Variants in ZNF536 observed in about 807,000 individuals in gnomAD.
ZNF536 encodes the protein zinc finger protein 536.
A neutral mutation model predicts 84.5 loss-of-function variants in ZNF536; 13 were observed. The observed-to-expected ratio is 0.15, with a 90% CI of 0.10 to 0.24. The LOEUF (loss-of-function observed/expected upper bound fraction) is 0.24. Ranked by LOEUF, ZNF536 falls within the 10% of genes least tolerant of loss-of-function variation. The pLI, the probability that ZNF536 is intolerant of heterozygous loss-of-function variation, is 1.00. For missense variants in ZNF536, 1,536 were observed against 1,747.5 expected (o/e 0.88, Z 2.16); for synonymous variants, 811 against 742.5 (o/e 1.09, Z -1.50).
At chr19:30,288,413 G>A (rs2045722694) in intron 2 of ZNF536, among the ~76,000 whole-genome samples, 1 of 152,202 alleles carries the variant, frequency 6.6e-6, no homozygotes, top group African/African-American at 2.4e-5. Context: ...GCTCTGGGGA[G>A]TGGGGTTCCC....
intron 1 of ZNF536, among the ~76,000 whole-genome samples, chr19:30,254,629 A>T (rs949105649): frequency 6.7e-6 from 1 of 150,220 alleles, no homozygotes; most frequent in Non-Finnish European, 1.5e-5. Context: ...TGGAATGTGG[A>T]CCCGCCAATG....
intron 1 of ZNF536, among the ~76,000 whole-genome samples, chr19:30,373,438 G>A (rs917980199): frequency 6.6e-6 from 1 of 151,608 alleles, no homozygotes; most frequent in Admixed American, 6.6e-5. Flanking sequence ...ATATTGAAAT[G>A]CCTGGAAAAA....
chr19:30,588,689 G>T (rs2047179460), intron 1 of ZNF536, among the ~76,000 whole-genome samples: 1 of 152,048 alleles, frequency 6.6e-6, no homozygotes, highest in Admixed American at 6.5e-5. Flanking sequence ...AAGGTCTTAG[G>T]CCCAGAACCT....
At chr19:30,589,072 T>A (rs1344156088) in intron 1 of ZNF536, among the ~76,000 whole-genome samples, 1 of 152,052 alleles carries the variant, frequency 6.6e-6, no homozygotes, top group Non-Finnish European at 1.5e-5. Flanking sequence ...GAAGAGGGAT[T>A]TAGAGAAAGT....
At chr19:30,523,256 C>T (rs534702346) in intron 2 of ZNF536, among the ~76,000 whole-genome samples, 7 of 152,256 alleles carry the variant, frequency 4.6e-5, no homozygotes, top group Admixed American at 2.0e-4. Context: ...ACATATGACG[C>T]GTTGCTTTGG....
chr19:30,392,376 T>C (rs2049631734), intron 1 of ZNF536, among the ~76,000 whole-genome samples: 1 of 152,122 alleles, frequency 6.6e-6, no homozygotes, highest in African/African-American at 2.4e-5. Context: ...GACCACAGAA[T>C]TTAGCCTTAT....
At chr19:30,387,458 G>A (rs776340765) in intron 1 of ZNF536, among the ~76,000 whole-genome samples, 2 of 152,260 alleles carry the variant, frequency 1.3e-5, no homozygotes, top group East Asian at 3.9e-4. Context: ...CATGGTTGAC[G>A]GCGGTGAGGG....
At chr19:30,468,428 C>T (rs567268831) in intron 2 of ZNF536, among the ~76,000 whole-genome samples, 25 of 152,060 alleles carry the variant, frequency 1.6e-4, no homozygotes, top group Non-Finnish European at 3.4e-4. Context: ...CTGCTGCCTG[C>T]ATGGGGTCCT....
At chr19:30,646,847 A>T (rs186835856) in intron 1 of ZNF536, among the ~76,000 whole-genome samples, 4 of 152,156 alleles carry the variant, frequency 2.6e-5, no homozygotes, top group African/African-American at 4.8e-5. Flanking sequence ...AAGCAAGGCT[A>T]TTGATGTTGT....
chr19:30,303,289 A>G (rs1172323917), intron 2 of ZNF536, among the ~76,000 whole-genome samples: 1 of 152,108 alleles, frequency 6.6e-6, no homozygotes, highest in Non-Finnish European at 1.5e-5. Flanking sequence ...TCACCCCACC[A>G]GTTAGCTCGG....
intron 1 of ZNF536, among the ~76,000 whole-genome samples, chr19:30,397,337 A>T (rs1465159845): frequency 6.6e-6 from 1 of 152,232 alleles, no homozygotes; most frequent in African/African-American, 2.4e-5. Flanking sequence ...ACATGTGTTA[A>T]AATTGCAAAG....
intron 2 of ZNF536, among the ~76,000 whole-genome samples, chr19:30,476,968 T>A (rs2053874720): frequency 6.6e-6 from 1 of 151,992 alleles, no homozygotes; most frequent in African/African-American, 2.4e-5. Flanking sequence ...TTTTTTTTTT[T>A]AATAGAGATG....
intron 2 of ZNF536, among the ~76,000 whole-genome samples, chr19:30,341,625 C>A (rs78403593): frequency 6.6e-5 from 10 of 152,132 alleles, no homozygotes; most frequent in Non-Finnish European, 1.5e-4. Flanking sequence ...GGGCAGCCCC[C>A]CTCATCTCTT....
intron 3 of ZNF536, among the ~76,000 whole-genome samples, chr19:30,536,304 T>G (rs2045077440): frequency 6.6e-6 from 1 of 152,160 alleles, no homozygotes. Context: ...ACCTGGAATC[T>G]TCCTCCAGGT....
chr19:30,385,003 G>T (rs1179026106), intron 1 of ZNF536, among the ~76,000 whole-genome samples: 1 of 152,036 alleles, frequency 6.6e-6, no homozygotes, highest in African/African-American at 2.4e-5. Flanking sequence ...CTGGGCGACA[G>T]AGTGAGATAT....
chr19:30,337,397 C>G (rs2047416122), intron 2 of ZNF536, among the ~76,000 whole-genome samples: 1 of 152,212 alleles, frequency 6.6e-6, no homozygotes, highest in Non-Finnish European at 1.5e-5. Context: ...TTTAGTCAGG[C>G]CTTTCCTGGC....
intron 2 of ZNF536, among the ~76,000 whole-genome samples, chr19:30,475,658 G>T (rs759171999): frequency 1.3e-5 from 2 of 152,132 alleles, no homozygotes; most frequent in African/African-American, 2.4e-5. Context: ...ATGAAGAAAC[G>T]GGGGTACAGC....
chr19:30,261,239 A>G (rs2025196931), intron 1 of ZNF536, among the ~76,000 whole-genome samples: 1 of 131,834 alleles, frequency 7.6e-6, no homozygotes, highest in South Asian at 2.7e-4. Flanking sequence ...CGGAGCTTGC[A>G]GTGAGCCGAG....
At chr19:30,407,421 C>T (rs2050306467) in intron 1 of ZNF536, among the ~76,000 whole-genome samples, 1 of 152,176 alleles carries the variant, frequency 6.6e-6, no homozygotes, top group Admixed American at 6.5e-5. Flanking sequence ...GCTCCCCACA[C>T]ACCCAGCAGT....
Sources: gnomAD v4.1 joint callset for allele counts (sites outside exome capture counted in the v4.1 genomes callset) on GRCh38, gnomAD v4.1.1 for gene constraint, MANE v1.5 for transcripts, NCBI Gene and HGNC (gene_info 2026-07-23, HGNC 2026-07-21) for gene names.